EIF2D: variants seen among roughly 807,000 people sequenced by gnomAD.
EIF2D encodes eukaryotic translation initiation factor 2D, also known as hepatocellular carcinoma-associated antigen 56.
In EIF2D, 56 loss-of-function variants were observed where a neutral mutation model predicts 77.4. That is an observed-to-expected ratio of 0.72 (90% CI 0.58 to 0.90). The LOEUF is 0.90. EIF2D is among the 40% of genes least tolerant of loss of function. EIF2D has a pLI of 0.00. For synonymous variants in EIF2D, 230 were observed against 271.0 expected, an observed-to-expected ratio of 0.85 and a Z score of 1.49; for missense variants, 574 against 706.5, an observed-to-expected ratio of 0.81 and a Z score of 2.13.
chr1:206,602,520 C>G, intron 6 of EIF2D, 67 bp from the exon 7 acceptor site: 1 of 1,391,166 alleles, frequency 7.2e-7, no homozygotes, highest in South Asian at 1.2e-5. Flanking sequence ...AAGAAAACGA[C>G]CCCCAGCTTC....
intron 5 of EIF2D, chr1:206,605,093 G>A (rs1670132520): frequency 9.3e-6 from 2 of 215,240 alleles, no homozygotes; most frequent in African/African-American, 2.3e-5. Flanking sequence ...ATCGCAGCTA[G>A]GGCCAGATTG....
chr1:206,607,974 A>AAAAAT (rs138378401), intron 4 of EIF2D, among the ~76,000 whole-genome samples: 19,001 of 151,590 alleles, frequency 0.13, 1,298 homozygotes, highest in Non-Finnish European at 0.16. Context: ...TGTAAATCTA[A>AAAAAT]AAAATAAAAT....
chr1:206,609,811 A>G (rs1670383961), intron 2 of EIF2D, among the ~76,000 whole-genome samples: 1 of 152,224 alleles, frequency 6.6e-6, no homozygotes, highest in East Asian at 1.9e-4. Context: ...AAACTTTCCC[A>G]TGTTTATCAT....
chr1:206,606,761 G>T (rs1284146046), intron 4 of EIF2D, among the ~76,000 whole-genome samples: 1 of 152,072 alleles, frequency 6.6e-6, no homozygotes, highest in Non-Finnish European at 1.5e-5. Flanking sequence ...TCAAAATAAT[G>T]AGTCCACCTT....
Position 206,595,979 on chromosome 1 carries a change from T to C in EIF2D, c.1389-141A>G, listed in dbSNP as rs548005078. 8.0e-4 allele frequency: 950 copies of C among 1,183,246 alleles called. 20 individuals are homozygous for C. The South Asian group carries it at 0.013, about 17-fold the overall frequency. The allele number at this position is 1,183,246 out of a possible 1,614,324, so 73.3% of individuals were successfully genotyped here. The stretch of plus-strand genomic sequence containing the variant: ...TGCACATTAGAATCATTCAAATCCC[T>C]AGGGAGCTACAGCCCAGATCAATGA... On this transcript the variant is annotated intron_variant, in intron 12 of 14. Coordinates refer to ENST00000271764, the MANE Select transcript of EIF2D (RefSeq NM_006893.3).
Position 206,599,635 on chromosome 1 carries a change from A to G in EIF2D, c.1053-23T>C. On this transcript the variant is annotated intron_variant, in intron 9 of 14. Transcript: ENST00000271764. This position sits in a 1 kb window ranked among gnomAD's most constrained non-coding sequence, Gnocchi z 4.1. ...ATCCTAAAACCCAGCAGAAGGAAAG[A>G]AAAAACACATTTTATACTAGCATCT... 1.2e-6 allele frequency: 2 copies of G among 1,601,242 alleles called. No homozygotes were observed. The highest frequency in any genetic ancestry group is 1.7e-6 in the Non-Finnish European group (2 of 1,174,020).
At chr1:206,595,927 C>A in intron 12 of EIF2D, 89 bp from the exon 13 acceptor site, 1 of 1,550,576 alleles carries the variant, frequency 6.4e-7, no homozygotes, top group Non-Finnish European at 8.7e-7. Context: ...TAGGTGTAGG[C>A]TGAAATTGCA....
chr1:206,609,720 GGC>G (rs1558542403), intron 2 of EIF2D, among the ~76,000 whole-genome samples: 1 of 152,114 alleles, frequency 6.6e-6, no homozygotes, highest in Non-Finnish European at 1.5e-5. Flanking sequence ...AAAAAGTGAG[GGC>G]AGAGAACCAA....
At chr1:206,573,390 A>T (rs1454913550) in intron 4 of EIF2D, among the ~76,000 whole-genome samples, 1 of 152,168 alleles carries the variant, frequency 6.6e-6, no homozygotes, top group East Asian at 1.9e-4. Flanking sequence ...ATACACACTC[A>T]TGTTCATCCT....
chr1:206,598,868 GA>G (rs1669781429), intron 11 of EIF2D, 134 bp downstream of exon 11: 2 of 849,504 alleles, frequency 2.4e-6, no homozygotes, highest in Non-Finnish European at 3.6e-6. Flanking sequence ...CCATGGTTTG[GA>G]AACCACTGAT....
chr1:206,605,402 C>T lies in EIF2D; in HGVS notation c.528G>A (p.Leu176=). 6.2e-7 allele frequency: 1 copy of T among 1,613,710 alleles called. No individual in the cohort carries two copies. The highest frequency in any genetic ancestry group is 1.3e-5 in the African/African-American group (1 of 75,036). The change falls in exon 5 of 15, where the codon TTG becomes TTA. Residue 176 remains leucine (L), a splice_region_variant and synonymous_variant. Coordinates refer to ENST00000271764, the MANE Select transcript of EIF2D (RefSeq NM_006893.3). ...AACAGAAGAAACTCTGTACCCACCA[C>T]AAGTGGTCCTGGTAAGTGTGGAGCA... ...FSVLHTYQDH[L]WRSGNKSSPP...
downstream of EIF2D, chr1:206,588,525 T>C (rs1162695159): frequency 6.6e-6 from 1 of 152,394 alleles, no homozygotes; most frequent in African/African-American, 2.4e-5. Flanking sequence ...AACCATTTCT[T>C]TGCTATCCTC....
In EIF2D at chr1:206,599,380, G is replaced by A. The variant is rs570033117; in HGVS notation, c.1202+83C>T. The A allele has an allele frequency of 9.4e-5, 145 of 1,540,268 alleles. No homozygotes were observed. The highest frequency in any genetic ancestry group is 9.1e-5 in the Non-Finnish European group (104 of 1,138,264). ...AGGGGCAGAGCAGGTTTTGCCAGTC[G>A]CAAAAGAGCACTACTCAGGTTGAGA... is the stretch of plus-strand genomic sequence containing the variant. On this transcript the variant is annotated intron_variant, in intron 10 of 14. Coordinates refer to ENST00000271764, the MANE Select transcript of EIF2D (RefSeq NM_006893.3). The surrounding 1 kb of genome is among the most constrained non-coding windows in gnomAD (Gnocchi z 4.1).
downstream of EIF2D, among the ~76,000 whole-genome samples, chr1:206,569,642 C>A (rs1553403897): frequency 6.6e-6 from 1 of 152,198 alleles, no homozygotes; most frequent in Non-Finnish European, 1.5e-5. Context: ...CTTTTTCATT[C>A]CTCATGACTT....
chr1:206,583,121 GTC>G, intron 2 of EIF2D: 1 of 595,576 alleles, frequency 1.7e-6, no homozygotes. Context: ...ACCTCTCATT[GTC>G]TCACTCCGAG....
In EIF2D at chr1:206,599,812, G is replaced by A; in HGVS notation, c.973C>T (p.Gln325Ter). 6.2e-7 allele frequency: 1 copy of A among 1,614,074 alleles called. No individual in the cohort carries two copies. The highest frequency in any genetic ancestry group is 8.5e-7 in the Non-Finnish European group (1 of 1,180,010). ...TTCACCTGTATAATCTGCTCCTGCTGCATTTGCTGCAGGAACTTAGAGAGC... is the reference window on the plus strand; with the variant it reads ...TTCACCTGTATAATCTGCTCCTGCTACATTTGCTGCAGGAACTTAGAGAGC... ...KKLSKFLQQM[Q>*]QEQIIQVKEL... The change falls in exon 9 of 15, where the codon CAG becomes TAG. Residue 325 changes from glutamine to a stop codon, truncating the protein, a stop_gained. Transcript: ENST00000271764. LOFTEE classifies it high-confidence loss of function. The surrounding 1 kb of genome is among the most constrained non-coding windows in gnomAD (Gnocchi z 4.1).
chr1:206,610,852 C>G (rs1272492304), intron 2 of EIF2D, among the ~76,000 whole-genome samples: 2 of 152,176 alleles, frequency 1.3e-5, no homozygotes, highest in Non-Finnish European at 2.9e-5. Flanking sequence ...CCATCCTTTT[C>G]AAGACCTCTG....
chr1:206,595,165 GT>G (rs1669587496), intron 13 of EIF2D: 1 of 152,538 alleles, frequency 6.6e-6, no homozygotes, highest in African/African-American at 2.4e-5. Flanking sequence ...CTACTACAAA[GT>G]TCTTGAGTCT....
chr1:206,595,977 C>G (rs1669626849), intron 12 of EIF2D, 139 bp from the exon 13 acceptor site: 1 of 1,184,372 alleles, frequency 8.4e-7, no homozygotes, highest in South Asian at 1.5e-5. Flanking sequence ...CATTCAAATC[C>G]CTAGGGAGCT....
Sources: allele counts gnomAD v4.1 joint callset (sites outside exome capture counted in the v4.1 genomes callset), GRCh38; gene constraint gnomAD v4.1.1; non-coding constraint Gnocchi (gnomAD v3.1); transcripts MANE v1.5; gene names NCBI Gene and HGNC (gene_info 2026-07-23, HGNC 2026-07-21).